BICD1: variants seen among roughly 807,000 people sequenced by gnomAD.
BICD1 encodes BICD cargo adaptor 1.
A neutral mutation model predicts 92.5 loss-of-function variants in BICD1; 35 were observed. That is an observed-to-expected ratio of 0.38 (90% confidence interval 0.29 to 0.50). BICD1 has a LOEUF of 0.50. Among genes scored for constraint, BICD1 ranks in the 20% least tolerant of loss-of-function variants. The pLI is 0.93. For missense variants in BICD1, 950 were observed against 1,189.8 expected, an observed-to-expected ratio of 0.80 and a Z score of 2.97; for synonymous variants, 429 against 465.1, an observed-to-expected ratio of 0.92 and a Z score of 1.00.
intron 2 of BICD1, among the ~76,000 whole-genome samples, chr12:32,242,107 C>T (rs1289351205): frequency 2.0e-5 from 3 of 148,470 alleles, no homozygotes; most frequent in Admixed American, 6.8e-5. Context: ...CTCAGCTACT[C>T]GGGAGGCTGA....
chr12:32,342,959 T>G (rs985268708), intron 8 of BICD1, among the ~76,000 whole-genome samples: 1 of 152,210 alleles, frequency 6.6e-6, no homozygotes, highest in Admixed American at 6.5e-5. Flanking sequence ...GTACAACCTT[T>G]TAAGGGAAAA....
intron 1 of BICD1, among the ~76,000 whole-genome samples, chr12:32,214,950 C>T (rs1005824236): frequency 5.3e-5 from 8 of 151,974 alleles, no homozygotes; most frequent in Admixed American, 1.3e-4. Context: ...GAAAAGGGGC[C>T]GGTCGTGGTG....
At chr12:32,288,256 G>A (rs374959425) in intron 2 of BICD1, among the ~76,000 whole-genome samples, 1 of 135,192 alleles carries the variant, frequency 7.4e-6, no homozygotes, top group African/African-American at 3.3e-5. Flanking sequence ...TTCTGAGACA[G>A]GGTCTCACTC....
intron 1 of BICD1, among the ~76,000 whole-genome samples, chr12:32,115,355 T>C (rs573838993): frequency 6.6e-6 from 1 of 151,090 alleles, no homozygotes; most frequent in African/African-American, 2.4e-5. Flanking sequence ...TTTAAACATA[T>C]AGGCAGGGTT....
chr12:32,316,954 T>C (rs1447373327), intron 4 of BICD1, among the ~76,000 whole-genome samples: 1 of 152,024 alleles, frequency 6.6e-6, no homozygotes, highest in African/African-American at 2.4e-5. Flanking sequence ...GAACATGCTG[T>C]GTTTGGTTTT....
At chr12:32,239,397 T>A (rs2136078456) in intron 2 of BICD1, among the ~76,000 whole-genome samples, 1 of 149,696 alleles carries the variant, frequency 6.7e-6, no homozygotes, top group African/African-American at 2.5e-5. Flanking sequence ...AGAAACCCTG[T>A]CTCTACTAAA....
rs1168416950 is a variant in BICD1, at chr12:32,328,198, T to A, written c.1743T>A (p.Val581=). 1.5e-5 allele frequency: 24 copies of A among 1,613,966 alleles called. No homozygotes were observed. The highest frequency in any genetic ancestry group is 1.9e-5 in the Non-Finnish European group (23 of 1,180,034). The part of the protein sequence containing the change: ...PVETRTSSEP[V]AKESTEASKE... ...AAACAAGGACCTCATCTGAACCAGT[T>A]GCAAAAGAAAGCACAGAGGCCAGCA... The change falls in exon 5 of 10, where the codon GTT becomes GTA. Residue 581 remains valine, a synonymous_variant. Coordinates refer to ENST00000652176, the MANE Select transcript of BICD1 (RefSeq NM_001714.4). The surrounding 1 kb of genome is among the most constrained non-coding windows in gnomAD (Gnocchi z 4.4).
intron 1 of BICD1, among the ~76,000 whole-genome samples, chr12:32,212,951 A>G (rs1291155768): frequency 2.6e-5 from 4 of 152,204 alleles, no homozygotes; most frequent in Non-Finnish European, 4.4e-5. Context: ...ATAACTTCAG[A>G]CTTAGAAAAA....
intron 1 of BICD1, among the ~76,000 whole-genome samples, chr12:32,175,246 G>A (rs561189038): frequency 6.6e-6 from 1 of 150,712 alleles, no homozygotes; most frequent in African/African-American, 2.4e-5. Flanking sequence ...AAGCGTTTGA[G>A]AGGAGATTCA....
At position 32,221,354 on chromosome 12, in the gene BICD1, A is replaced by AAAAT. The variant is rs1200450509; in HGVS notation, c.426+4898_426+4899insTAAA. 1.9e-4 allele frequency among the ~76,000 whole-genome samples: 23 copies of AAAAT among 122,832 alleles called. 1 individual carries two copies. Among genetic ancestry groups the AAAAT allele is most frequent in the Admixed American group, 1.3e-3 (16 of 12,144 alleles). 80.6% of individuals were successfully genotyped at this position (122,832 alleles called of 152,430 possible). On this transcript the variant is annotated intron_variant, in intron 2 of 9. Coordinates refer to ENST00000652176, the MANE Select transcript of BICD1 (RefSeq NM_001714.4). ...AACGTTATCTGTATCACAAAAAATA[A>AAAAT]AAAAATAAATAAATAAATAAATAAA... is the stretch of plus-strand genomic sequence containing the variant.
intron 5 of BICD1, among the ~76,000 whole-genome samples, chr12:32,333,733 G>A (rs1254276217): frequency 6.6e-6 from 1 of 152,200 alleles, no homozygotes; most frequent in East Asian, 1.9e-4. Flanking sequence ...TTTATGCATT[G>A]ATTCAGTCAG....
intron 2 of BICD1, among the ~76,000 whole-genome samples, chr12:32,286,511 T>C (rs1269953482): frequency 6.6e-6 from 1 of 152,176 alleles, no homozygotes; most frequent in Non-Finnish European, 1.5e-5. Context: ...AGGGGAACAC[T>C]ACTATTTTTC....
At chr12:32,376,606 G>A (rs905416005) in intron 9 of BICD1, among the ~76,000 whole-genome samples, 4 of 151,028 alleles carry the variant, frequency 2.6e-5, no homozygotes, top group Non-Finnish European at 5.9e-5. Context: ...GGTGGCTCAC[G>A]CCTGTAATCC....
At chr12:32,165,574 A>G (rs924106750) in intron 1 of BICD1, among the ~76,000 whole-genome samples, 1 of 151,670 alleles carries the variant, frequency 6.6e-6, no homozygotes, top group African/African-American at 2.4e-5. Flanking sequence ...AGTCCCAGCT[A>G]CTCGGGAGGC....
At chr12:32,324,302 C>T (rs1177599360) in intron 4 of BICD1, among the ~76,000 whole-genome samples, 3 of 145,082 alleles carry the variant, frequency 2.1e-5, no homozygotes, top group East Asian at 2.1e-4. Flanking sequence ...TTGCAGTGAG[C>T]GTAAATCACA....
At chr12:32,286,347 T>G (rs1364281787) in intron 2 of BICD1, among the ~76,000 whole-genome samples, 1 of 152,152 alleles carries the variant, frequency 6.6e-6, no homozygotes, top group African/African-American at 2.4e-5. Flanking sequence ...CTTCCTGATA[T>G]CTTTTTTATA....
At chr12:32,129,966 C>T (rs748886413) in intron 1 of BICD1, among the ~76,000 whole-genome samples, 38 of 152,112 alleles carry the variant, frequency 2.5e-4, no homozygotes, top group African/African-American at 3.6e-4. Flanking sequence ...AGAAATAGTG[C>T]GATGTGGATG....
At chr12:32,307,478 G>A (rs542358805) in intron 4 of BICD1, among the ~76,000 whole-genome samples, 1 of 152,114 alleles carries the variant, frequency 6.6e-6, no homozygotes, top group African/African-American at 2.4e-5. Flanking sequence ...GTGGAGCTCC[G>A]TGTAGATCTA....
At chr12:32,306,393 G>A (rs1253513269) in intron 4 of BICD1, among the ~76,000 whole-genome samples, 23 of 151,862 alleles carry the variant, frequency 1.5e-4, no homozygotes, top group East Asian at 2.0e-4. Flanking sequence ...ACAGGTGCCC[G>A]CCACCATGCC....
Sources: allele counts gnomAD v4.1 joint callset (sites outside exome capture counted in the v4.1 genomes callset), GRCh38; gene constraint gnomAD v4.1.1; non-coding constraint Gnocchi (gnomAD v3.1); transcripts MANE v1.5; gene names NCBI Gene and HGNC (gene_info 2026-07-23, HGNC 2026-07-21).